ABCD3: variants seen among roughly 807,000 people sequenced by gnomAD.
The protein encoded by ABCD3 is ATP binding cassette subfamily D member 3, also known as ATP-binding cassette sub-family D member 3.
ABCD3 carries 41 observed loss-of-function variants against 105.5 expected under a neutral mutation model. The observed-to-expected ratio is 0.39, with a 90% CI of 0.30 to 0.50. ABCD3 has a LOEUF of 0.50. Among genes scored for constraint, ABCD3 ranks in the 20% least tolerant of loss-of-function variants. The pLI is 0.84. For synonymous variants in ABCD3, 258 were observed against 269.0 expected, an observed-to-expected ratio of 0.96 and a Z score of 0.40; for missense variants, 622 against 806.3, an observed-to-expected ratio of 0.77 and a Z score of 2.77.
chr1:94,465,170 A>G (rs1648078996), intron 3 of ABCD3, among the ~76,000 whole-genome samples: 2 of 152,280 alleles, frequency 1.3e-5, no homozygotes, highest in Admixed American at 1.3e-4. Flanking sequence ...TCTGGAGGAC[A>G]GCACCATGCC....
At chr1:94,434,275 A>T (rs1315302883) in intron 1 of ABCD3, among the ~76,000 whole-genome samples, 1 of 152,210 alleles carries the variant, frequency 6.6e-6, no homozygotes, top group Non-Finnish European at 1.5e-5. Flanking sequence ...TGGAGCTGTC[A>T]TTCATATGAT....
the ABCD3 span, among the ~76,000 whole-genome samples, chr1:94,393,273 T>A: frequency 1.3e-5 from 2 of 149,750 alleles, no homozygotes; most frequent in Non-Finnish European, 3.0e-5. Context: ...AGAGAAAGAG[T>A]AAAGTGGAAG....
chr1:94,483,840 A>G (rs1051248539), intron 10 of ABCD3, among the ~76,000 whole-genome samples: 71 of 152,198 alleles, frequency 4.7e-4, no homozygotes, highest in Non-Finnish European at 7.2e-4. Context: ...AGAAACTACC[A>G]TCAGAGTGAA....
intron 8 of ABCD3, 77 bp downstream of exon 8, chr1:94,478,392 C>A: frequency 8.1e-7 from 1 of 1,240,850 alleles, no homozygotes; most frequent in Non-Finnish European, 1.2e-6. Flanking sequence ...AGCTTGATGG[C>A]CTGTAAGAAT....
intron 19 of ABCD3, 61 bp downstream of exon 19, chr1:94,499,095 A>G (rs1459631416): frequency 7.0e-6 from 10 of 1,423,506 alleles, no homozygotes; most frequent in Non-Finnish European, 9.9e-6. Context: ...ATTTTAATCA[A>G]TTAAGTATTT....
intron 1 of ABCD3, among the ~76,000 whole-genome samples, chr1:94,421,562 A>ATATGTGTG (rs1553167239): frequency 6.7e-6 from 1 of 148,928 alleles, no homozygotes; most frequent in Non-Finnish European, 1.5e-5. Context: ...GAGCTATAAG[A>ATATGTGTG]TGTGTGTGTG....
At chr1:94,461,237 A>T (rs554693097) in intron 2 of ABCD3, among the ~76,000 whole-genome samples, 43 of 152,074 alleles carry the variant, frequency 2.8e-4, no homozygotes, top group Non-Finnish European at 5.9e-4. Context: ...GTTACTTTTG[A>T]GGAAAGCAAC....
chr1:94,387,342 G>C, the ABCD3 span, among the ~76,000 whole-genome samples: 1 of 152,136 alleles, frequency 6.6e-6, no homozygotes, highest in Non-Finnish European at 1.5e-5. Flanking sequence ...CTTAACTGGG[G>C]CATTTTTTTA....
intron 1 of ABCD3, among the ~76,000 whole-genome samples, chr1:94,423,849 GCAAA>G (rs1659365244): frequency 6.6e-6 from 1 of 151,882 alleles, no homozygotes; most frequent in South Asian, 2.1e-4. Context: ...CAACTTTCCT[GCAAA>G]CTTCAAAATT....
chr1:94,428,074 GT>G (rs969731497), intron 1 of ABCD3, among the ~76,000 whole-genome samples: 72 of 126,500 alleles, frequency 5.7e-4, no homozygotes, highest in Admixed American at 1.0e-3. Flanking sequence ...AAGGTGTTTT[GT>G]TTTTTTTTTT....
chr1:94,395,838 T>TGA, the ABCD3 span, among the ~76,000 whole-genome samples: 1,036 of 149,546 alleles, frequency 6.9e-3, 10 homozygotes, highest in African/African-American at 0.021. Flanking sequence ...TGCACGCGTG[T>TGA]GAGAGAGAGA....
At chr1:94,447,790 A>G (rs750489123) in intron 1 of ABCD3, among the ~76,000 whole-genome samples, 19 of 152,230 alleles carry the variant, frequency 1.2e-4, no homozygotes, top group Admixed American at 2.0e-4. Context: ...ACCTTAGTAA[A>G]TGACATTACC....
chr1:94,426,143 T>C (rs1659460392), intron 1 of ABCD3, among the ~76,000 whole-genome samples: 1 of 152,226 alleles, frequency 6.6e-6, no homozygotes, highest in Non-Finnish European at 1.5e-5. Context: ...CCTAATTTCC[T>C]CAGATACACC....
the ABCD3 span, among the ~76,000 whole-genome samples, chr1:94,394,540 C>G: frequency 0.039 from 5,902 of 152,272 alleles, 187 homozygotes; most frequent in South Asian, 0.13. Flanking sequence ...TGCCACCAGC[C>G]CAATGGACAA....
chr1:94,452,779 C>T (rs1440565816), intron 1 of ABCD3, among the ~76,000 whole-genome samples: 1 of 151,936 alleles, frequency 6.6e-6, no homozygotes, highest in Admixed American at 6.6e-5. Flanking sequence ...CTCTGTTTCC[C>T]AGGCTGGAGT....
At chr1:94,427,667 A>G (rs535270145) in intron 1 of ABCD3, among the ~76,000 whole-genome samples, 4 of 152,300 alleles carry the variant, frequency 2.6e-5, no homozygotes, top group African/African-American at 7.2e-5. Context: ...GGGAAATGGT[A>G]TTTCACTATG....
intron 19 of ABCD3, 34 bp from the exon 20 acceptor site, chr1:94,499,461 A>G: frequency 6.2e-7 from 1 of 1,602,694 alleles, no homozygotes. Flanking sequence ...GCTTATATTA[A>G]GTTTAATTTC....
At chr1:94,505,713 A>G (rs577082729) in intron 20 of ABCD3, among the ~76,000 whole-genome samples, 80 of 152,288 alleles carry the variant, frequency 5.3e-4, no homozygotes, top group Middle Eastern at 3.4e-3. Context: ...GTGCTAGAAA[A>G]GAAGCTGAGA....
chr1:94,447,944 A>G (rs1055041931), intron 1 of ABCD3, among the ~76,000 whole-genome samples: 11 of 152,198 alleles, frequency 7.2e-5, no homozygotes, highest in Non-Finnish European at 1.6e-4. Flanking sequence ...CTATCCTTAG[A>G]GGAGATCCTA....
Sources: gnomAD v4.1 joint callset for allele counts (sites outside exome capture counted in the v4.1 genomes callset) on GRCh38, gnomAD v4.1.1 for gene constraint, MANE v1.5 for transcripts, NCBI Gene and HGNC (gene_info 2026-07-23, HGNC 2026-07-21) for gene names.